IMMP2L: variants seen among roughly 807,000 people sequenced by gnomAD.
The protein encoded by IMMP2L is mitochondrial inner membrane protease subunit 2.
IMMP2L carries 18 observed loss-of-function variants against 19.3 expected under a neutral mutation model. That is an observed-to-expected ratio of 0.93 (90% confidence interval 0.64 to 1.38). The LOEUF is 1.38. IMMP2L is among the 40% of genes most tolerant of loss of function. IMMP2L has a pLI of 0.00. For synonymous variants in IMMP2L, 76 were observed against 73.0 expected, an observed-to-expected ratio of 1.04 and a Z score of -0.21; for missense variants, 233 against 218.2, an observed-to-expected ratio of 1.07 and a Z score of -0.43.
chr7:110,813,708 A>G (rs1248194001), intron 5 of IMMP2L, among the ~76,000 whole-genome samples: 1 of 151,414 alleles, frequency 6.6e-6, no homozygotes, highest in African/African-American at 2.4e-5. Context: ...AAGTATAATT[A>G]TGAAGAGACA....
chr7:111,420,729 C>G (rs1473108539), intron 3 of IMMP2L, among the ~76,000 whole-genome samples: 1 of 151,694 alleles, frequency 6.6e-6, no homozygotes, highest in Non-Finnish European at 1.5e-5. Context: ...CTGCCAATAA[C>G]ATGAAATCAT....
chr7:110,838,803 C>T lies in IMMP2L; in HGVS notation c.408+47790G>A, dbSNP rs149748364. On this transcript the variant is annotated intron_variant, in intron 5 of 5. Transcript: ENST00000405709. ...GGTCCTAAGACTTTATTTACTGAGT[C>T]CAGTTATATGTTCTAATATATACAT... Among the ~76,000 whole-genome samples the T allele has an allele frequency of 2.6e-3, 395 of 152,112 alleles. 3 individuals are homozygous for T. Among genetic ancestry groups the T allele is most frequent in the African/African-American group, 8.9e-3 (371 of 41,526 alleles).
chr7:110,667,170 T>C (rs1755667190), intron 5 of IMMP2L, among the ~76,000 whole-genome samples: 1 of 152,212 alleles, frequency 6.6e-6, no homozygotes, highest in Admixed American at 6.5e-5. Context: ...GCGCCCGGCC[T>C]GGAATAAATT....
intron 3 of IMMP2L, among the ~76,000 whole-genome samples, chr7:111,183,045 T>C (rs1469490743): frequency 2.0e-5 from 3 of 152,100 alleles, no homozygotes; most frequent in Admixed American, 6.6e-5. Flanking sequence ...ATAAAGTGGT[T>C]AAGACATATT....
At chr7:110,996,013 C>T (rs184125327) in intron 3 of IMMP2L, among the ~76,000 whole-genome samples, 13 of 152,194 alleles carry the variant, frequency 8.5e-5, no homozygotes, top group Admixed American at 6.6e-4. Context: ...CCAAACAGAC[C>T]TGGGTTAAAT....
chr7:111,308,425 A>ACTGCTT, intron 3 of IMMP2L, among the ~76,000 whole-genome samples: 1 of 152,086 alleles, frequency 6.6e-6, no homozygotes, highest in South Asian at 2.1e-4. Flanking sequence ...ATAGTGCAGG[A>ACTGCTT]GTGAAAAAAC....
At chr7:110,977,402 G>C (rs1820807871) in intron 3 of IMMP2L, among the ~76,000 whole-genome samples, 1 of 151,934 alleles carries the variant, frequency 6.6e-6, no homozygotes, top group Non-Finnish European at 1.5e-5. Flanking sequence ...CTAAACATAA[G>C]CGGCCGAGCA....
intron 3 of IMMP2L, among the ~76,000 whole-genome samples, chr7:111,147,020 G>C: frequency 6.6e-6 from 1 of 151,888 alleles, no homozygotes; most frequent in African/African-American, 2.4e-5. Context: ...CTTCTATTTA[G>C]TTTTCTACTT....
intron 5 of IMMP2L, among the ~76,000 whole-genome samples, chr7:110,785,047 A>T (rs1438460673): frequency 6.6e-6 from 1 of 151,994 alleles, no homozygotes; most frequent in Non-Finnish European, 1.5e-5. Flanking sequence ...TTAACTTCTC[A>T]TCAATATCAT....
intron 3 of IMMP2L, among the ~76,000 whole-genome samples, chr7:111,000,788 G>A (rs1823585313): frequency 1.3e-5 from 2 of 151,414 alleles, no homozygotes; most frequent in African/African-American, 4.9e-5. Context: ...AGTTTGCAGT[G>A]AGCTGAGATA....
rs187293747 is a variant in IMMP2L, at chr7:111,312,272, A to G, written c.239+174966T>C. On this transcript the variant is annotated intron_variant, in intron 3 of 5. Coordinates refer to ENST00000405709, the MANE Select transcript of IMMP2L (RefSeq NM_032549.4). ...GGAAACTGGAGTTCAAGGCTCTGAG[A>G]TTTAGGTGAGTTCACTCACATAAAT... Among the ~76,000 whole-genome samples the G allele has an allele frequency of 1.6e-3, 250 of 152,260 alleles. 1 individual carries two copies. The highest frequency in any genetic ancestry group is 0.014 in the Middle Eastern group (4 of 294).
intron 3 of IMMP2L, among the ~76,000 whole-genome samples, chr7:111,415,826 A>C (rs1203749932): frequency 1.3e-5 from 2 of 151,784 alleles, no homozygotes; most frequent in Admixed American, 6.6e-5. Context: ...AGGATTTTAC[A>C]AATTGCTACC....
At chr7:111,554,987 G>A (rs997348114) in intron 1 of IMMP2L, among the ~76,000 whole-genome samples, 8 of 151,984 alleles carry the variant, frequency 5.3e-5, no homozygotes, top group Non-Finnish European at 7.4e-5. Context: ...AGGCCTTGGC[G>A]ATGACCTTGA....
intron 1 of IMMP2L, among the ~76,000 whole-genome samples, chr7:111,543,723 G>A (rs1848676188): frequency 6.6e-6 from 1 of 152,108 alleles, no homozygotes; most frequent in African/African-American, 2.4e-5. Flanking sequence ...GATTTTCCAA[G>A]AGAGAATCAC....
intron 3 of IMMP2L, chr7:111,122,370 T>A: frequency 6.3e-6 from 1 of 157,682 alleles, no homozygotes; most frequent in East Asian, 1.9e-4. Context: ...TTTGTACTAA[T>A]TATTGTTCTC....
intron 3 of IMMP2L, among the ~76,000 whole-genome samples, chr7:111,214,555 G>A (rs1363676295): frequency 1.0e-4 from 14 of 134,188 alleles, no homozygotes; most frequent in Non-Finnish European, 1.6e-4. Flanking sequence ...GTTTCAACAC[G>A]TTGGCCAGGC....
chr7:110,883,395 TA>T (rs1315775763), intron 5 of IMMP2L, among the ~76,000 whole-genome samples: 3 of 152,134 alleles, frequency 2.0e-5, no homozygotes, highest in Non-Finnish European at 4.4e-5. Flanking sequence ...CAAAACACTC[TA>T]GGGGGCTAAT....
At chr7:111,459,252 T>C (rs2131989955) in intron 3 of IMMP2L, among the ~76,000 whole-genome samples, 1 of 152,270 alleles carries the variant, frequency 6.6e-6, no homozygotes, top group African/African-American at 2.4e-5. Flanking sequence ...CTCCTTAGTG[T>C]AGCAGTCCAG....
At chr7:110,871,197 G>T (rs1808505424) in intron 5 of IMMP2L, among the ~76,000 whole-genome samples, 1 of 152,088 alleles carries the variant, frequency 6.6e-6, no homozygotes, top group African/African-American at 2.4e-5. Flanking sequence ...AAGGAGAAAG[G>T]AAGGGAATGA....
Sources: gnomAD v4.1 joint callset for allele counts (sites outside exome capture counted in the v4.1 genomes callset) on GRCh38, gnomAD v4.1.1 for gene constraint, MANE v1.5 for transcripts, NCBI Gene and HGNC (gene_info 2026-07-23, HGNC 2026-07-21) for gene names.